Variants in CCDC93 observed in about 807,000 individuals in gnomAD.
The protein encoded by CCDC93 is CCC complex scaffolding subunit CCDC93.
CCDC93 carries 61 observed loss-of-function variants against 108.2 expected under a neutral mutation model. The ratio of observed to expected loss-of-function variants is 0.56; its 90% confidence interval spans 0.46 to 0.70. The LOEUF (loss-of-function observed/expected upper bound fraction) is 0.70. Ranked by LOEUF, CCDC93 falls within the 30% of genes least tolerant of loss-of-function variation. The pLI is 0.00. For synonymous variants in CCDC93, 276 were observed against 260.4 expected (o/e 1.06, Z -0.58); for missense variants, 685 against 764.2 (o/e 0.90, Z 1.22).
At chr2:117,987,310 G>A (rs1680350536) in intron 6 of CCDC93, among the ~76,000 whole-genome samples, 1 of 152,124 alleles carries the variant, frequency 6.6e-6, no homozygotes, top group Non-Finnish European at 1.5e-5. Context: ...ACACTACGCG[G>A]CCTAGCCCTA....
chr2:117,996,696 G>C (rs1047319749), intron 4 of CCDC93: 1 of 186,236 alleles, frequency 5.4e-6, no homozygotes, highest in Non-Finnish European at 1.1e-5. Context: ...ACAAGTAGTA[G>C]AGTGATTTGT....
chr2:117,930,406 C>A (rs980343013), intron 23 of CCDC93, among the ~76,000 whole-genome samples: 1 of 152,108 alleles, frequency 6.6e-6, no homozygotes, highest in Admixed American at 6.5e-5. Context: ...CTTTCTGGAA[C>A]AATGAAGAGT....
chr2:117,995,656 T>C lies in CCDC93; in HGVS notation c.463-154A>G, dbSNP rs542314523. On this transcript the variant is annotated intron_variant, in intron 5 of 23. Coordinates refer to ENST00000376300, the MANE Select transcript of CCDC93 (RefSeq NM_019044.5). ...CGAACAAATTGTAATATATTCTCCATGGGAAAAGGCTACAAACCCTGCAGA... is the reference window on the plus strand; with the variant it reads ...CGAACAAATTGTAATATATTCTCCACGGGAAAAGGCTACAAACCCTGCAGA... 28 of 635,104 alleles carry C rather than the reference T, an allele frequency of 4.4e-5. No individual in the cohort carries two copies. In the African/African-American group the frequency reaches 4.8e-4, roughly 11 times the overall value. 39.3% of individuals were successfully genotyped at this position (635,104 alleles called of 1,614,324 possible). A position where few individuals can be genotyped will look rare whatever the true frequency, so the allele number is the denominator to read the frequency against.
intron 11 of CCDC93, among the ~76,000 whole-genome samples, chr2:117,973,097 C>T (rs528753053): frequency 2.9e-4 from 44 of 152,284 alleles, no homozygotes; most frequent in African/African-American, 9.6e-4. Flanking sequence ...TAGCTGATAA[C>T]GCCTCCAGAT....
chr2:117,973,340 A>C lies in CCDC93; in HGVS notation c.888+568T>G, dbSNP rs548664035. 3.9e-5 allele frequency among the ~76,000 whole-genome samples: 6 copies of C among 152,148 alleles called. No homozygotes were observed. In the South Asian group the frequency reaches 1.2e-3, roughly 32 times the overall value. On this transcript the variant is annotated intron_variant, in intron 11 of 23. Coordinates refer to ENST00000376300, the MANE Select transcript of CCDC93 (RefSeq NM_019044.5). ...TGATACCACATCTCAGCCACACCAG[A>C]ATCAGTTATGTGCAAAATGATTAAT...
intron 12 of CCDC93, 46 bp from the exon 13 acceptor site, chr2:117,952,481 G>A: frequency 7.8e-7 from 1 of 1,287,564 alleles, no homozygotes; most frequent in Admixed American, 1.7e-5. Context: ...TGATCCTTAT[G>A]ACAACACAGA....
chr2:117,927,158 A>G (rs749735094), intron 23 of CCDC93, among the ~76,000 whole-genome samples: 1 of 152,184 alleles, frequency 6.6e-6, no homozygotes, highest in Non-Finnish European at 1.5e-5. Context: ...CCCACAGTCA[A>G]TATCATACTG....
rs1197825812 is a variant in CCDC93 at position 117,931,063 on chromosome 2, A to G, written c.1816T>C (p.Phe606Leu). The G allele has an allele frequency of 1.2e-6, 2 of 1,612,754 alleles. No homozygotes were observed. The highest frequency in any genetic ancestry group is 1.7e-6 in the Non-Finnish European group (2 of 1,178,936). ...LELLEKQRLY[F>L]KTVKEFKEEG... ...TCCTTGAACTCTTTCACAGTCTTAA[A>G]GTATAGCCTCTGCTTTTCTAACAGC... Residue 606 changes from phenylalanine (F) to leucine (L), a missense_variant, in exon 23 of 24, where the codon TTT becomes CTT. Physicochemically the swap from Phe to Leu is conservative, Grantham distance 22. Coordinates refer to ENST00000376300, the MANE Select transcript of CCDC93 (RefSeq NM_019044.5).
intron 11 of CCDC93, among the ~76,000 whole-genome samples, chr2:117,972,741 G>A (rs1390748830): frequency 1.3e-5 from 2 of 152,152 alleles, no homozygotes; most frequent in Non-Finnish European, 2.9e-5. Flanking sequence ...CAGACAGTGA[G>A]TTAATACTGT....
chr2:117,980,062 A>C (rs1181470614), intron 7 of CCDC93, among the ~76,000 whole-genome samples: 2 of 152,180 alleles, frequency 1.3e-5, no homozygotes, highest in Non-Finnish European at 2.9e-5. Flanking sequence ...AATTTGACAG[A>C]AGCAGCGTGG....
rs552380302 is a variant in CCDC93 at position 117,995,371 on chromosome 2, C to G, written c.519+75G>C. On this transcript the variant is annotated intron_variant, in intron 6 of 23. Coordinates refer to ENST00000376300, the MANE Select transcript of CCDC93 (RefSeq NM_019044.5). The stretch of plus-strand genomic sequence containing the variant: ...CCGTAGATGGAAGCCTCAGGAGCAG[C>G]GCTTTTGTGATTTAACAAAGGGCTA... The G allele has an allele frequency of 1.1e-5, 13 of 1,149,302 alleles. No homozygotes were observed. The African/African-American group carries it at 1.8e-4, about 16-fold the overall frequency. The allele number at this position is 1,149,302 out of a possible 1,614,324, so 71.2% of individuals were successfully genotyped here.
At chr2:117,924,821 T>A (rs897810330) in intron 23 of CCDC93, among the ~76,000 whole-genome samples, 1 of 152,078 alleles carries the variant, frequency 6.6e-6, no homozygotes, top group Non-Finnish European at 1.5e-5. Context: ...CCAAGACACA[T>A]AATTGTCAGA....
intron 2 of CCDC93, 28 bp downstream of exon 2, chr2:118,008,517 T>C (rs1359812018): frequency 8.1e-7 from 1 of 1,232,410 alleles, no homozygotes; most frequent in African/African-American, 1.5e-5. Flanking sequence ...CAAAAGATAG[T>C]GTAATGGTTA....
At position 118,008,670 on chromosome 2, in the gene CCDC93, G is replaced by A. The variant is rs1237449874; in HGVS notation, c.43-12C>T. ...TCTCTTGTTTCCACCTAAAATAAAA[G>A]GTAAAACTTTGGCTGGTAAAAGATA... On this transcript the variant is annotated splice_polypyrimidine_tract_variant and intron_variant, in intron 1 of 23. Coordinates refer to ENST00000376300, the MANE Select transcript of CCDC93 (RefSeq NM_019044.5). 3 of 1,569,354 alleles carry A rather than the reference G, an allele frequency of 1.9e-6. No homozygotes were observed. Among genetic ancestry groups the A allele is most frequent in the Non-Finnish European group, 8.8e-7 (1 of 1,141,458 alleles).
At chr2:117,968,662 C>T (rs1341538738) in intron 11 of CCDC93, among the ~76,000 whole-genome samples, 4 of 152,138 alleles carry the variant, frequency 2.6e-5, no homozygotes, top group Non-Finnish European at 5.9e-5. Context: ...TGTTTTTTAC[C>T]TTGTTTTTAT....
At chr2:117,922,039 G>A (rs888591849) in intron 23 of CCDC93, among the ~76,000 whole-genome samples, 1 of 150,522 alleles carries the variant, frequency 6.6e-6, no homozygotes, top group Non-Finnish European at 1.5e-5. Flanking sequence ...GGAAGAGATG[G>A]AACAAGAACA....
chr2:118,004,060 A>G lies in CCDC93; in HGVS notation c.251+2662T>C, dbSNP rs1676792829. 1.3e-5 allele frequency among the ~76,000 whole-genome samples: 2 copies of G among 152,172 alleles called. 1 individual carries two copies. Among genetic ancestry groups the G allele is most frequent in the South Asian group, 4.1e-4 (2 of 4,830 alleles). On this transcript the variant is annotated intron_variant, in intron 3 of 23. Transcript: ENST00000376300. ...TGTTCAGTGCACTGCTTTCTTCTCC[A>G]CTGCAAACAGCTTGAAAGACAGTGA...
chr2:118,003,424 T>C (rs1676770646), intron 3 of CCDC93, among the ~76,000 whole-genome samples: 2 of 152,230 alleles, frequency 1.3e-5, no homozygotes, highest in Non-Finnish European at 2.9e-5. Context: ...ATATCAGTTC[T>C]GGTTTTGCTC....
At position 117,980,578 on chromosome 2, in the gene CCDC93, G is replaced by A. The variant is rs560853397; in HGVS notation, c.621-2548C>T. Among the ~76,000 whole-genome samples the A allele has an allele frequency of 8.6e-4, 131 of 152,204 alleles. 1 individual carries two copies. The highest frequency in any genetic ancestry group is 3.1e-3 in the African/African-American group (128 of 41,538). Reference sequence around the variant, plus strand: ...GATGTGAGCTTCTGTGACAGCCAACGCACTCATTGTATGGTGAACATAATT... The same window carrying A: ...GATGTGAGCTTCTGTGACAGCCAACACACTCATTGTATGGTGAACATAATT... On this transcript the variant is annotated intron_variant, in intron 7 of 23. Transcript: ENST00000376300.
Sources: gnomAD v4.1 joint callset for allele counts (sites outside exome capture counted in the v4.1 genomes callset) on GRCh38, gnomAD v4.1.1 for gene constraint, MANE v1.5 for transcripts, NCBI Gene and HGNC (gene_info 2026-07-23, HGNC 2026-07-21) for gene names.